HSD17B12: variants seen among roughly 807,000 people sequenced by gnomAD.
HSD17B12 encodes very-long-chain 3-oxoacyl-CoA reductase.
Under a neutral mutation model 39.3 loss-of-function variants are expected in HSD17B12, and 32 were observed. The ratio of observed to expected loss-of-function variants is 0.81; its 90% CI spans 0.61 to 1.09. The LOEUF is 1.09. Ranked by LOEUF, HSD17B12 falls within the 50% of genes least tolerant of loss-of-function variation. The pLI is 0.00. For missense variants in HSD17B12, 342 were observed against 382.9 expected (o/e 0.89, Z 0.89); for synonymous variants, 150 against 146.7 (o/e 1.02, Z -0.16).
intron 1 of HSD17B12, among the ~76,000 whole-genome samples, chr11:43,704,447 C>T (rs988282801): frequency 6.6e-6 from 1 of 152,154 alleles, no homozygotes; most frequent in African/African-American, 2.4e-5. Context: ...GTTTAATTCT[C>T]ATCTACTGAA....
chr11:43,801,053 C>T (rs938844461), intron 4 of HSD17B12, among the ~76,000 whole-genome samples: 7 of 151,858 alleles, frequency 4.6e-5, no homozygotes, highest in South Asian at 4.2e-4. Context: ...GCAGGAGAAT[C>T]GCTTGAACCT....
At chr11:43,626,875 G>A in the HSD17B12 span, among the ~76,000 whole-genome samples, 3 of 151,886 alleles carry the variant, frequency 2.0e-5, no homozygotes, top group Non-Finnish European at 4.4e-5. Flanking sequence ...CAATGCAAAG[G>A]ACATTTTCAT....
At chr11:43,732,672 A>C (rs1203320735) in intron 1 of HSD17B12, among the ~76,000 whole-genome samples, 1 of 152,100 alleles carries the variant, frequency 6.6e-6, no homozygotes, top group East Asian at 1.9e-4. Context: ...GCTGTTGCCC[A>C]GGCTGGTCTC....
chr11:43,718,819 G>A (rs1356655281), intron 1 of HSD17B12: 3 of 893,910 alleles, frequency 3.4e-6, no homozygotes, highest in African/African-American at 3.3e-5. Flanking sequence ...CCTTCTGGTG[G>A]CCCAAGACAC....
the HSD17B12 span, among the ~76,000 whole-genome samples, chr11:43,640,237 C>A: frequency 1.3e-5 from 2 of 151,902 alleles, no homozygotes; most frequent in East Asian, 1.9e-4. Flanking sequence ...CTCATTCCCC[C>A]CCTCTAAAGT....
intron 1 of HSD17B12, among the ~76,000 whole-genome samples, chr11:43,741,824 C>T (rs1950367812): frequency 6.7e-6 from 1 of 149,108 alleles, no homozygotes; most frequent in Admixed American, 6.7e-5. Flanking sequence ...ACCTCCCCCT[C>T]TTGGGTTCAC....
intron 1 of HSD17B12, among the ~76,000 whole-genome samples, chr11:43,682,025 A>G (rs1949750854): frequency 1.3e-5 from 2 of 152,298 alleles, no homozygotes; most frequent in Middle Eastern, 3.4e-3. Flanking sequence ...TGGGGTGGTT[A>G]GGCATTGCCT....
chr11:43,676,946 G>C (rs1333107202), upstream of HSD17B12, among the ~76,000 whole-genome samples: 2 of 152,124 alleles, frequency 1.3e-5, no homozygotes, highest in African/African-American at 4.8e-5. Context: ...TAAATTTGGG[G>C]ATATAGCTAT....
rs1565049623 is a variant in HSD17B12, at chr11:43,690,381, TATATATATATA to T, written c.160+9395_160+9405del. Among the ~76,000 whole-genome samples, 92 of 13,828 alleles carry T rather than the reference TATATATATATA, an allele frequency of 6.7e-3. 2 individuals carry two copies. The highest frequency in any genetic ancestry group is 0.012 in the South Asian group (5 of 414). 9.1% of individuals were successfully genotyped at this position (13,828 alleles called of 152,430 possible). On this transcript the variant is annotated intron_variant, in intron 1 of 10. Transcript: ENST00000278353. ...TCATACATATATATATATATATATA[TATATATATATA>T]TATATATATATATTTTTTTTTTTTT...
chr11:43,638,018 T>G, the HSD17B12 span, among the ~76,000 whole-genome samples: 2 of 152,146 alleles, frequency 1.3e-5, no homozygotes, highest in Non-Finnish European at 2.9e-5. Context: ...ATGCAGATTT[T>G]CAGTGAGGGC....
the HSD17B12 span, among the ~76,000 whole-genome samples, chr11:43,567,287 C>T: frequency 1.3e-5 from 2 of 152,198 alleles, no homozygotes; most frequent in Non-Finnish European, 2.9e-5. Flanking sequence ...AAGCTCCAGC[C>T]TCAGCCTCCG....
At chr11:43,618,283 G>C in the HSD17B12 span, among the ~76,000 whole-genome samples, 1 of 152,160 alleles carries the variant, frequency 6.6e-6, no homozygotes, top group Non-Finnish European at 1.5e-5. Context: ...ACTCATGAAA[G>C]ATACGTGTCT....
At chr11:43,838,655 C>T (rs948053904) in intron 8 of HSD17B12, among the ~76,000 whole-genome samples, 2 of 151,772 alleles carry the variant, frequency 1.3e-5, no homozygotes, top group African/African-American at 2.4e-5. Flanking sequence ...TTTTCTCCCC[C>T]CAGCACTCTA....
At chr11:43,747,762 C>T (rs1170480206) in intron 1 of HSD17B12, among the ~76,000 whole-genome samples, 1 of 152,244 alleles carries the variant, frequency 6.6e-6, no homozygotes, top group Non-Finnish European at 1.5e-5. Flanking sequence ...GACTGCCTTC[C>T]ATTCACCATT....
chr11:43,816,203 C>T lies in HSD17B12; in HGVS notation c.457-144C>T. The stretch of plus-strand genomic sequence containing the variant: ...ACGGAGAGTAAAATGAAATCTGCCT[C>T]TCTACCCCAACTCTTGTCATTTTTC... On this transcript the variant is annotated intron_variant, in intron 5 of 10. Transcript: ENST00000278353. 3.5e-6 allele frequency: 2 copies of T among 574,620 alleles called. 1 individual carries two copies. Among genetic ancestry groups the T allele is most frequent in the Non-Finnish European group, 5.5e-6 (2 of 361,858 alleles). 35.6% of individuals were successfully genotyped at this position (574,620 alleles called of 1,614,324 possible). A position where few individuals can be genotyped will look rare whatever the true frequency, so the allele number is the denominator to read the frequency against.
chr11:43,584,899 A>G, the HSD17B12 span, among the ~76,000 whole-genome samples: 1 of 152,226 alleles, frequency 6.6e-6, no homozygotes, highest in Non-Finnish European at 1.5e-5. Context: ...AGGACTGCAT[A>G]GGACTTCCTG....
intron 1 of HSD17B12, among the ~76,000 whole-genome samples, chr11:43,683,197 G>C (rs1393938591): frequency 6.6e-6 from 1 of 151,408 alleles, no homozygotes; most frequent in African/African-American, 2.4e-5. Context: ...ACAGTAAAAG[G>C]CAAGTGATGT....
At chr11:43,626,556 CA>C in the HSD17B12 span, among the ~76,000 whole-genome samples, 2 of 151,476 alleles carry the variant, frequency 1.3e-5, no homozygotes, top group African/African-American at 2.4e-5. Context: ...ATTTTTTTTG[CA>C]TTTTTTTTAA....
chr11:43,773,257 T>C (rs933286829), intron 3 of HSD17B12, among the ~76,000 whole-genome samples: 1 of 152,208 alleles, frequency 6.6e-6, no homozygotes, highest in African/African-American at 2.4e-5. Context: ...AAAAAATTTT[T>C]TTCAGAGATA....
Sources: allele counts gnomAD v4.1 joint callset (sites outside exome capture counted in the v4.1 genomes callset), GRCh38; gene constraint gnomAD v4.1.1; transcripts MANE v1.5; gene names NCBI Gene and HGNC (gene_info 2026-07-23, HGNC 2026-07-21).